Variants in SLC6A2 observed in about 807,000 individuals in gnomAD.
The protein encoded by SLC6A2 is solute carrier family 6 member 2, also known as sodium-dependent noradrenaline transporter.
A neutral mutation model predicts 71.7 loss-of-function variants in SLC6A2; 26 were observed. The observed-to-expected ratio is 0.36, with a 90% confidence interval of 0.27 to 0.50. The LOEUF (loss-of-function observed/expected upper bound fraction) is 0.50, where lower values mean the gene tolerates loss of function less well. SLC6A2 is among the 20% of genes least tolerant of loss of function. The pLI, the probability that SLC6A2 is intolerant of heterozygous loss-of-function variation, is 0.96. For missense variants in SLC6A2, 581 were observed against 803.9 expected, an observed-to-expected ratio of 0.72 and a Z score of 3.35; for synonymous variants, 363 against 337.9, an observed-to-expected ratio of 1.07 and a Z score of -0.82.
chr16:55,671,825 C>T (rs1274357809), intron 3 of SLC6A2, 113 bp from the exon 4 acceptor site: 13 of 1,548,690 alleles, frequency 8.4e-6, no homozygotes, highest in African/African-American at 2.7e-5. Context: ...CGCTGTTCTG[C>T]AGGAAACGAG....
At chr16:55,701,774 C>T in intron 13 of SLC6A2, 89 bp from the exon 14 acceptor site, 1 of 880,132 alleles carries the variant, frequency 1.1e-6, no homozygotes, top group South Asian at 1.3e-5. Context: ...GATCAAATAG[C>T]AGGTGGCCCT....
At chr16:55,691,768 C>A (rs1965636609) in intron 5 of SLC6A2, 150 bp from the exon 6 acceptor site, 1 of 901,348 alleles carries the variant, frequency 1.1e-6, no homozygotes, top group South Asian at 1.4e-5. Flanking sequence ...CAGGGCCTTG[C>A]CTAGAGCTGG....
intron 2 of SLC6A2, among the ~76,000 whole-genome samples, chr16:55,662,353 C>CA (rs531732467): frequency 1.5e-4 from 23 of 151,916 alleles, no homozygotes; most frequent in African/African-American, 5.1e-4. Context: ...ATTATTTAGC[C>CA]AAAAAAAATT....
intron 2 of SLC6A2, 146 bp from the exon 3 acceptor site, chr16:55,669,416 TATG>T: frequency 1.4e-6 from 1 of 726,268 alleles, no homozygotes; most frequent in South Asian, 1.5e-5. Flanking sequence ...TTCTTACTCT[TATG>T]ATAATTAGTA....
rs1326382406 is a variant in SLC6A2, at chr16:55,679,266, C to G, written c.645-5877C>G. 2.0e-5 allele frequency among the ~76,000 whole-genome samples: 3 copies of G among 150,102 alleles called. 1 individual carries two copies. The highest frequency in any genetic ancestry group is 4.4e-5 in the Non-Finnish European group (3 of 67,778). Reference sequence around the variant, plus strand: ...TTTTTGAGGCAGATTCTCACTCTGTCACCCAGGCTGGAGGGCAATGGCTCA... The same window carrying G: ...TTTTTGAGGCAGATTCTCACTCTGTGACCCAGGCTGGAGGGCAATGGCTCA... On this transcript the variant is annotated intron_variant, in intron 4 of 14. Transcript: ENST00000568943.
chr16:55,674,586 GGC>G (rs1965025376), intron 4 of SLC6A2, among the ~76,000 whole-genome samples: 1 of 151,980 alleles, frequency 6.6e-6, no homozygotes, highest in Non-Finnish European at 1.5e-5. Flanking sequence ...CACAACGCCT[GGC>G]TAATTTTTGA....
intron 5 of SLC6A2, among the ~76,000 whole-genome samples, chr16:55,686,656 T>C (rs1377593398): frequency 6.6e-6 from 1 of 152,062 alleles, no homozygotes; most frequent in African/African-American, 2.4e-5. Context: ...GGTCATGCCA[T>C]TGAGAGCAAA....
intron 6 of SLC6A2, among the ~76,000 whole-genome samples, chr16:55,693,596 A>G (rs988537199): frequency 6.6e-6 from 1 of 152,234 alleles, no homozygotes; most frequent in Non-Finnish European, 1.5e-5. Context: ...ACCATTGTCT[A>G]TGGCTTGTAG....
In SLC6A2 at chr16:55,705,289, C is replaced by A. The variant is rs60791063; in HGVS notation, c.*2943C>A. 2.7e-4 allele frequency: 407 copies of A among 1,528,856 alleles called. 1 individual carries two copies. In the East Asian group the frequency reaches 7.8e-3, roughly 29 times the overall value. 94.7% of individuals were successfully genotyped at this position (1,528,856 alleles called of 1,614,324 possible). ...TCCTGCTGAACAGAAATCCCTGAAGCTGCCTTAATTCTCAAAAGGAGTTAC... is the reference window on the plus strand; with the variant it reads ...TCCTGCTGAACAGAAATCCCTGAAGATGCCTTAATTCTCAAAAGGAGTTAC... On this transcript the variant is annotated 3_prime_UTR_variant, in exon 15 of 15. Coordinates refer to ENST00000568943, the MANE Select transcript of SLC6A2 (RefSeq NM_001172501.3).
At chr16:55,688,842 A>G (rs2142572758) in intron 5 of SLC6A2, among the ~76,000 whole-genome samples, 1 of 152,280 alleles carries the variant, frequency 6.6e-6, no homozygotes, top group East Asian at 1.9e-4. Context: ...CCCTTGAGAG[A>G]GCTCTATCAA....
At chr16:55,659,782 G>A (rs1360253126) in intron 2 of SLC6A2, among the ~76,000 whole-genome samples, 1 of 152,154 alleles carries the variant, frequency 6.6e-6, no homozygotes, top group Non-Finnish European at 1.5e-5. Context: ...GTGGGGCAGG[G>A]GCAGCCTATT....
At chr16:55,685,032 C>A in intron 4 of SLC6A2, 111 bp from the exon 5 acceptor site, 1 of 1,066,932 alleles carries the variant, frequency 9.4e-7, no homozygotes, top group Non-Finnish European at 1.4e-6. Context: ...GGGAGAGTGG[C>A]CAGGTCCTGT....
At chr16:55,700,884 C>A (rs1597017622) in intron 13 of SLC6A2, among the ~76,000 whole-genome samples, 1 of 152,250 alleles carries the variant, frequency 6.6e-6, no homozygotes. Flanking sequence ...CACACACACA[C>A]ACATTTATAT....
chr16:55,700,544 C>T (rs1036595333), intron 13 of SLC6A2, among the ~76,000 whole-genome samples: 12 of 152,266 alleles, frequency 7.9e-5, no homozygotes, highest in Non-Finnish European at 1.5e-4. Flanking sequence ...CAGTGTCTGG[C>T]GCACAGGAGG....
Position 55,698,462 on chromosome 16 carries a change from G to A in SLC6A2, c.1390-7G>A. The A allele has an allele frequency of 6.2e-7, 1 of 1,609,374 alleles. No individual in the cohort carries two copies. The highest frequency in any genetic ancestry group is 8.5e-7 in the Non-Finnish European group (1 of 1,175,682). On this transcript the variant is annotated splice_region_variant and splice_polypyrimidine_tract_variant and intron_variant, in intron 10 of 14. Transcript: ENST00000568943. ...GGGCCTCTTGGCTTCTTCTCTCCCT[G>A]TGCCAGGGTGGAATTTACGTCTTGA... is the stretch of plus-strand genomic sequence containing the variant.
In SLC6A2 at chr16:55,703,783, C is replaced by A; in HGVS notation, c.*1437C>A. The A allele has an allele frequency of 5.1e-6, 5 of 985,340 alleles. No homozygotes were observed. Among genetic ancestry groups the A allele is most frequent in the Non-Finnish European group, 6.0e-6 (5 of 829,936 alleles). 61.0% of individuals were successfully genotyped at this position (985,340 alleles called of 1,614,324 possible). On this transcript the variant is annotated 3_prime_UTR_variant, in exon 15 of 15. Transcript: ENST00000568943. ...AAATAAAGAAGCCGCTGCATTCGCA[C>A]GTCAAGAAGGTGCTTTGCCTCAAAT...
rs1596965422 is a variant in SLC6A2 at position 55,671,643 on chromosome 16, T to C, written c.407-295T>C. ...TAGATTCTCATAGGAGCGCAACCCC[T>C]ACTGTGAACTGCGCATGCGAGGGAT... On this transcript the variant is annotated intron_variant, in intron 3 of 14. Coordinates refer to ENST00000568943, the MANE Select transcript of SLC6A2 (RefSeq NM_001172501.3). 8.6e-6 allele frequency: 5 copies of C among 579,390 alleles called. No individual in the cohort carries two copies. The East Asian group carries it at 1.4e-4, about 16-fold the overall frequency. 35.9% of individuals were successfully genotyped at this position (579,390 alleles called of 1,614,324 possible). A position where few individuals can be genotyped will look rare whatever the true frequency, so the allele number is the denominator to read the frequency against.
intron 4 of SLC6A2, among the ~76,000 whole-genome samples, chr16:55,674,291 G>A (rs1459777009): frequency 6.6e-6 from 1 of 152,028 alleles, no homozygotes; most frequent in African/African-American, 2.4e-5. Context: ...TGCAGTATTT[G>A]GTTTTCTGTT....
chr16:55,689,897 G>A (rs1965561362), intron 5 of SLC6A2, among the ~76,000 whole-genome samples: 1 of 152,210 alleles, frequency 6.6e-6, no homozygotes, highest in African/African-American at 2.4e-5. Flanking sequence ...AACAGAGGAG[G>A]CTTTCCTGAT....
Sources: allele counts gnomAD v4.1 joint callset (sites outside exome capture counted in the v4.1 genomes callset), GRCh38; gene constraint gnomAD v4.1.1; transcripts MANE v1.5; gene names NCBI Gene and HGNC (gene_info 2026-07-23, HGNC 2026-07-21).